Variants in UPF2 observed in about 807,000 individuals in gnomAD.
The protein encoded by UPF2 is regulator of nonsense transcripts 2.
Under a neutral mutation model 141.4 loss-of-function variants are expected in UPF2, and 17 were observed. That is an observed-to-expected ratio of 0.12 (90% CI 0.08 to 0.18). The LOEUF (loss-of-function observed/expected upper bound fraction) is 0.18, where lower values mean the gene tolerates loss of function less well. UPF2 is among the 10% of genes least tolerant of loss of function. The pLI, the probability that UPF2 is intolerant of heterozygous loss-of-function variation, is 1.00. For synonymous variants in UPF2, 540 were observed against 498.0 expected (o/e 1.08, Z -1.12); for missense variants, 1,152 against 1,515.9 (o/e 0.76, Z 3.99).
chr10:12,013,665 T>A (rs1588569835), intron 4 of UPF2, among the ~76,000 whole-genome samples: 1 of 152,282 alleles, frequency 6.6e-6, no homozygotes, highest in East Asian at 1.9e-4. Context: ...CATATTATCA[T>A]GAGTTATTAT....
At chr10:11,944,216 G>A (rs1358791836) in intron 16 of UPF2, among the ~76,000 whole-genome samples, 3 of 152,182 alleles carry the variant, frequency 2.0e-5, no homozygotes, top group Non-Finnish European at 4.4e-5. Context: ...GTATACCAAT[G>A]GTCGGCGCCA....
intron 4 of UPF2, among the ~76,000 whole-genome samples, chr10:12,008,267 C>T (rs1338271642): frequency 6.6e-6 from 1 of 151,972 alleles, no homozygotes; most frequent in Non-Finnish European, 1.5e-5. Context: ...AGCCAATAAA[C>T]TTAAAGATGC....
At chr10:11,995,761 C>T (rs1833855365) in intron 8 of UPF2, among the ~76,000 whole-genome samples, 1 of 151,910 alleles carries the variant, frequency 6.6e-6, no homozygotes. Context: ...CCAGCCTGGG[C>T]GACAAGTGAG....
At chr10:12,000,623 TAAAATAAAATAAAAC>T (rs1422371282) in intron 6 of UPF2, among the ~76,000 whole-genome samples, 3 of 151,834 alleles carry the variant, frequency 2.0e-5, no homozygotes, top group African/African-American at 4.8e-5. Context: ...CTAAAAAATA[TAAAATAAAATAAAAC>T]AAAATAAAAT....
rs574513901 is a variant in UPF2, at chr10:11,936,067, T to G, written c.3546+478A>C. On this transcript the variant is annotated intron_variant, in intron 19 of 21. Transcript: ENST00000357604. This position sits in a 1 kb window ranked among gnomAD's most constrained non-coding sequence, Gnocchi z 6.6. Reference sequence around the variant, plus strand: ...GTACTTACATATTCTTACAAACATGTATGATTTAAAACACATAAGGGGCCA... The same window carrying G: ...GTACTTACATATTCTTACAAACATGGATGATTTAAAACACATAAGGGGCCA... 6.6e-6 allele frequency among the ~76,000 whole-genome samples: 1 copy of G among 152,256 alleles called. No homozygotes were observed. The highest frequency in any genetic ancestry group is 2.1e-4 in the South Asian group (1 of 4,812).
At chr10:11,952,317 T>A (rs1409845722) in intron 14 of UPF2, 68 bp from the exon 15 acceptor site, 1 of 1,366,568 alleles carries the variant, frequency 7.3e-7, no homozygotes, top group African/African-American at 1.5e-5. Flanking sequence ...AATAATAAAC[T>A]ATATTGTGCT....
chr10:11,952,469 C>G (rs1402604406), intron 14 of UPF2, among the ~76,000 whole-genome samples: 1 of 97,740 alleles, frequency 1.0e-5, no homozygotes, highest in Non-Finnish European at 1.9e-5. Flanking sequence ...TACTAAATAT[C>G]TTTTTTTTTT....
At chr10:11,996,575 C>A (rs1833868127) in intron 8 of UPF2, among the ~76,000 whole-genome samples, 2 of 152,138 alleles carry the variant, frequency 1.3e-5, no homozygotes, top group Non-Finnish European at 2.9e-5. Context: ...AACTCCTGAC[C>A]TCAGGTGATC....
intron 18 of UPF2, among the ~76,000 whole-genome samples, chr10:11,941,616 C>T (rs573518997): frequency 3.9e-5 from 6 of 152,198 alleles, no homozygotes; most frequent in South Asian, 2.1e-4. Context: ...GCTACCTCCC[C>T]GTTTCTCTTC....
intron 21 of UPF2, among the ~76,000 whole-genome samples, chr10:11,926,183 A>G (rs533227543): frequency 1.3e-5 from 2 of 152,254 alleles, no homozygotes; most frequent in South Asian, 4.1e-4. Flanking sequence ...ACATTTAGGG[A>G]TTGAGGGAGG....
chr10:11,987,245 C>T (rs756819478), intron 8 of UPF2, among the ~76,000 whole-genome samples: 2 of 152,136 alleles, frequency 1.3e-5, no homozygotes, highest in Admixed American at 6.5e-5. Flanking sequence ...AGATGATCTG[C>T]GCAGCAAACC....
chr10:11,997,835 T>A lies in UPF2; in HGVS notation c.1759-78A>T, dbSNP rs186062263. On this transcript the variant is annotated intron_variant, in intron 7 of 21. Transcript: ENST00000357604. The stretch of plus-strand genomic sequence containing the variant: ...AGCAGAAATCCTGCCTACTATGATA[T>A]TTTTATTTGTTCTTAAACATTTCAA... 464 of 1,339,748 alleles carry A rather than the reference T, an allele frequency of 3.5e-4. 1 individual carries two copies. In the African/African-American group the frequency reaches 5.3e-3, roughly 15 times the overall value. The allele number at this position is 1,339,748 out of a possible 1,614,324, so 83.0% of individuals were successfully genotyped here.
At chr10:11,975,686 T>G (rs1036922151) in intron 9 of UPF2, among the ~76,000 whole-genome samples, 10 of 151,470 alleles carry the variant, frequency 6.6e-5, no homozygotes, top group South Asian at 4.1e-4. Flanking sequence ...TTTTGTTGTT[T>G]TTTTTTTTTT....
intron 14 of UPF2, 95 bp from the exon 15 acceptor site, chr10:11,952,344 T>C (rs1160482515): frequency 2.7e-6 from 3 of 1,116,514 alleles, no homozygotes; most frequent in East Asian, 2.6e-5. Flanking sequence ...CAGTTATAAC[T>C]ACTAAGCTGA....
chr10:12,015,475 G>A (rs1370940672), intron 3 of UPF2, among the ~76,000 whole-genome samples: 1 of 152,204 alleles, frequency 6.6e-6, no homozygotes, highest in Non-Finnish European at 1.5e-5. Flanking sequence ...GACGAGGCAG[G>A]CGGATCACCT....
chr10:11,925,881 T>C (rs1204130695), intron 21 of UPF2, among the ~76,000 whole-genome samples: 1 of 152,222 alleles, frequency 6.6e-6, no homozygotes, highest in Non-Finnish European at 1.5e-5. Flanking sequence ...TTGAGGAGTT[T>C]AGACTTTTTA....
intron 8 of UPF2, among the ~76,000 whole-genome samples, chr10:11,986,748 G>C (rs886293539): frequency 6.6e-6 from 1 of 152,196 alleles, no homozygotes; most frequent in Non-Finnish European, 1.5e-5. Flanking sequence ...ATGCCCTGTT[G>C]ACTTTTCCAC....
intron 8 of UPF2, among the ~76,000 whole-genome samples, chr10:11,991,348 A>G (rs1299810444): frequency 1.3e-5 from 2 of 152,234 alleles, no homozygotes; most frequent in African/African-American, 2.4e-5. Context: ...AAATCGCCAG[A>G]AAACAACCAC....
rs765594372 is a variant in UPF2, at chr10:12,000,048, AG to A, written c.1655-40del. On this transcript the variant is annotated intron_variant, in intron 6 of 21. Transcript: ENST00000357604. ...AGTTTTTAAATAGGTTAAAAAAAAA[AG>A]AGAACACAGAATAAAAACATCCAAT... 4 of 1,458,212 alleles carry A rather than the reference AG, an allele frequency of 2.7e-6. No homozygotes were observed. The South Asian group carries it at 4.9e-5, about 18-fold the overall frequency. The allele number at this position is 1,458,212 out of a possible 1,614,324, so 90.3% of individuals were successfully genotyped here. A position where few individuals can be genotyped will look rare whatever the true frequency, so the allele number is the denominator to read the frequency against.
Sources: gnomAD v4.1 joint callset for allele counts (sites outside exome capture counted in the v4.1 genomes callset) on GRCh38, gnomAD v4.1.1 for gene constraint, Gnocchi (gnomAD v3.1) non-coding constraint, MANE v1.5 for transcripts, NCBI Gene and HGNC (gene_info 2026-07-23, HGNC 2026-07-21) for gene names.